The following TRPA1 variants were observed in gnomAD, a reference collection of about 807,000 sequenced individuals.
TRPA1 encodes the protein ankyrin-like with transmembrane domains 1.
A neutral mutation model predicts 131.3 loss-of-function variants in TRPA1; 129 were observed. The ratio of observed to expected loss-of-function variants is 0.98; its 90% CI spans 0.85 to 1.14. The LOEUF (loss-of-function observed/expected upper bound fraction) is 1.14. Among genes scored for constraint, TRPA1 ranks in the 50% most tolerant of loss-of-function variants. TRPA1 has a pLI of 0.00. For synonymous variants in TRPA1, 441 were observed against 451.7 expected (o/e 0.98, Z 0.30); for missense variants, 1,304 against 1,354.2 (o/e 0.96, Z 0.58).
intron 17 of TRPA1, among the ~76,000 whole-genome samples, chr8:72,042,765 T>A (rs1812297868): frequency 6.6e-6 from 1 of 151,916 alleles, no homozygotes; most frequent in Non-Finnish European, 1.5e-5. Context: ...CTAACATGGA[T>A]GAACCTTAAG....
chr8:72,064,215 G>T (rs1585885006), intron 4 of TRPA1, among the ~76,000 whole-genome samples: 1 of 150,600 alleles, frequency 6.6e-6, no homozygotes, highest in East Asian at 1.9e-4. Flanking sequence ...GCTTTTAGAG[G>T]TAGTATCAGT....
intron 24 of TRPA1, among the ~76,000 whole-genome samples, chr8:72,028,155 T>C (rs1016346898): frequency 1.3e-5 from 2 of 152,208 alleles, no homozygotes; most frequent in African/African-American, 4.8e-5. Context: ...CTGCCTTCAA[T>C]CTTTCCTCAC....
At chr8:72,073,227 A>C (rs1485300088) in intron 1 of TRPA1, among the ~76,000 whole-genome samples, 1 of 152,234 alleles carries the variant, frequency 6.6e-6, no homozygotes, top group Admixed American at 6.5e-5. Context: ...AATGTGGCCA[A>C]AAGGTTGGAA....
At chr8:72,085,171 A>G in the TRPA1 span, among the ~76,000 whole-genome samples, 1 of 152,194 alleles carries the variant, frequency 6.6e-6, no homozygotes, top group African/African-American at 2.4e-5. Flanking sequence ...GTTATCTTAT[A>G]TTGCCTACAC....
At chr8:72,055,154 G>T (rs1805630062) in intron 12 of TRPA1, 1 of 399,076 alleles carries the variant, frequency 2.5e-6, no homozygotes, top group African/African-American at 2.1e-5. Context: ...TCAAAGAAAG[G>T]TTCTGAGAAA....
At chr8:72,056,660 T>C (rs2129435678) in intron 10 of TRPA1, among the ~76,000 whole-genome samples, 1 of 152,250 alleles carries the variant, frequency 6.6e-6, no homozygotes, top group East Asian at 1.9e-4. Flanking sequence ...GTTATCTTTA[T>C]CATAGATGAC....
intron 8 of TRPA1, among the ~76,000 whole-genome samples, chr8:72,059,007 C>T (rs1231043813): frequency 6.6e-6 from 1 of 152,088 alleles, no homozygotes; most frequent in Non-Finnish European, 1.5e-5. Flanking sequence ...TAGGAGTTTC[C>T]CCCCGTGCTG....
chr8:72,048,390 A>G (rs979037957), intron 15 of TRPA1, among the ~76,000 whole-genome samples: 1 of 152,096 alleles, frequency 6.6e-6, no homozygotes, highest in Non-Finnish European at 1.5e-5. Flanking sequence ...CCAGAAGGGA[A>G]GAAACAGGGC....
intron 17 of TRPA1, 135 bp from the exon 18 acceptor site, chr8:72,039,932 A>G (rs1705415500): frequency 1.2e-5 from 8 of 658,622 alleles, no homozygotes; most frequent in African/African-American, 1.8e-5. Context: ...CATTGAAAAA[A>G]ATAAAAATTA....
intron 16 of TRPA1, among the ~76,000 whole-genome samples, chr8:72,046,917 C>T (rs6982184): frequency 0.22 from 33,957 of 151,654 alleles, 4,102 homozygotes; most frequent in Middle Eastern, 0.42. Context: ...CTTAAGAAAA[C>T]ATAAAGACTA....
At position 72,066,161 on chromosome 8, in the gene TRPA1, T is replaced by G. The variant is rs183609541; in HGVS notation, c.445-603A>C. 4.6e-5 allele frequency among the ~76,000 whole-genome samples: 7 copies of G among 152,302 alleles called. No homozygotes were observed. The East Asian group carries it at 9.6e-4, about 21-fold the overall frequency. On this transcript the variant is annotated intron_variant, in intron 3 of 26. Transcript: ENST00000262209. ...CCTGGAATGGAAACTTTCTCTACAA[T>G]GTAAGAAATTAGCATCCTGATAAAA...
intron 22 of TRPA1, 81 bp downstream of exon 22, chr8:72,034,167 C>T (rs1205023448): frequency 1.5e-6 from 2 of 1,350,290 alleles, no homozygotes; most frequent in Admixed American, 2.0e-5. Flanking sequence ...TATGCATTTT[C>T]TAGACTATTT....
At position 72,056,950 on chromosome 8, in the gene TRPA1, A is replaced by G. The variant is rs2129435702; in HGVS notation, c.1161T>C (p.Tyr387=). 1.9e-6 allele frequency: 3 copies of G among 1,609,734 alleles called. No homozygotes were observed. Among genetic ancestry groups the G allele is most frequent in the Non-Finnish European group, 2.5e-6 (3 of 1,178,240 alleles). ...NFLHLTVQQP[Y]GLKNLRPEFM... ...ATTCAGGTCGCAGATTTTTTAATCC[A>G]TAAGGTTGCTGTACAGTTAAATGCA... Residue 387 remains tyrosine, a synonymous_variant, in exon 10 of 27, where the codon TAT becomes TAC. Transcript: ENST00000262209.
In TRPA1 at chr8:72,046,538, A is replaced by G. The variant is rs963530222; in HGVS notation, c.2036T>C (p.Ile679Thr). Residue 679 changes from isoleucine (I) to threonine (T), a missense_variant, in exon 17 of 27, where the codon ATA becomes ACA. Coordinates refer to ENST00000262209, the MANE Select transcript of TRPA1 (RefSeq NM_007332.3). The part of the protein sequence containing the change: ...FTKKTPTQDV[I>T]YEPLTALNAM... ...GTTGAGGGCTGTAAGCGGTTCATAT[A>G]TAACATCCTGTGTAGGTGTTTTTTT... The G allele has an allele frequency of 1.9e-5, 31 of 1,596,430 alleles. No homozygotes were observed. Among genetic ancestry groups the G allele is most frequent in the East Asian group, 4.5e-5 (2 of 44,580 alleles).
chr8:72,084,797 G>A, the TRPA1 span, among the ~76,000 whole-genome samples: 1 of 151,630 alleles, frequency 6.6e-6, no homozygotes, highest in Non-Finnish European at 1.5e-5. Context: ...GATTACAGGT[G>A]CCTGCCACCA....
chr8:72,066,434 G>T (rs1451880871), intron 3 of TRPA1, among the ~76,000 whole-genome samples: 1 of 152,124 alleles, frequency 6.6e-6, no homozygotes. Flanking sequence ...AATGTTAAAA[G>T]AATTCATTAA....
intron 4 of TRPA1, 62 bp from the exon 5 acceptor site, chr8:72,063,633 A>G: frequency 9.5e-7 from 1 of 1,052,050 alleles, no homozygotes; most frequent in Non-Finnish European, 1.5e-6. Context: ...AGGGTGGATG[A>G]GAATTTATGT....
upstream of TRPA1, among the ~76,000 whole-genome samples, chr8:72,079,702 A>G (rs369591076): frequency 6.6e-6 from 1 of 151,886 alleles, no homozygotes; most frequent in Non-Finnish European, 1.5e-5. Flanking sequence ...CTGATGAAGC[A>G]TTGTTTCTGG....
rs1811900059 is a variant in TRPA1, at chr8:72,033,239, C to T, written c.2868+405G>A. 2.6e-5 allele frequency among the ~76,000 whole-genome samples: 4 copies of T among 152,348 alleles called. No homozygotes were observed. In the Middle Eastern group the frequency reaches 0.014, roughly 518 times the overall value. ...TCTCCAACTCCAAAACATCACACAC[C>T]TTCATCTTTATTGCCTTTCCCTGCT... On this transcript the variant is annotated intron_variant, in intron 23 of 26. Transcript: ENST00000262209.
Sources: allele counts gnomAD v4.1 joint callset (sites outside exome capture counted in the v4.1 genomes callset), GRCh38; gene constraint gnomAD v4.1.1; transcripts MANE v1.5; gene names NCBI Gene and HGNC (gene_info 2026-07-23, HGNC 2026-07-21).